FBXW7: variants seen among roughly 807,000 people sequenced by gnomAD.
FBXW7 encodes F-box/WD repeat-containing protein 7.
FBXW7 carries 11 observed loss-of-function variants against 86.3 expected under a neutral mutation model. The ratio of observed to expected loss-of-function variants is 0.13; its 90% CI spans 0.08 to 0.21. The LOEUF is 0.21. Ranked by LOEUF, FBXW7 falls within the 10% of genes least tolerant of loss-of-function variation. The pLI is 1.00. For missense variants in FBXW7, 488 were observed against 847.4 expected (o/e 0.58, Z 5.27); for synonymous variants, 313 against 297.9 (o/e 1.05, Z -0.52).
intron 4 of FBXW7, among the ~76,000 whole-genome samples, chr4:152,394,936 T>C (rs375325056): frequency 1.3e-3 from 192 of 152,234 alleles, no homozygotes; most frequent in African/African-American, 4.4e-3. Flanking sequence ...TTCATGAGAA[T>C]TAATGCATTT....
At chr4:152,445,469 C>T (rs1167054251) in intron 2 of FBXW7, among the ~76,000 whole-genome samples, 3 of 152,308 alleles carry the variant, frequency 2.0e-5, no homozygotes, top group Middle Eastern at 3.4e-3. Flanking sequence ...GAGCAGCAGG[C>T]TGATGCCTAA....
chr4:152,458,123 G>C (rs903103874), intron 2 of FBXW7, among the ~76,000 whole-genome samples: 2 of 152,066 alleles, frequency 1.3e-5, no homozygotes, highest in Non-Finnish European at 2.9e-5. Context: ...GGGTTCAAGA[G>C]ATTCTCCTGC....
intron 13 of FBXW7, chr4:152,323,949 C>A: frequency 2.2e-6 from 1 of 463,708 alleles, no homozygotes; most frequent in Non-Finnish European, 3.9e-6. Context: ...TAAGTAGAGT[C>A]AATTGAACAT....
intron 4 of FBXW7, among the ~76,000 whole-genome samples, chr4:152,378,174 G>A (rs1045449090): frequency 4.6e-5 from 7 of 152,052 alleles, no homozygotes; most frequent in African/African-American, 1.2e-4. Flanking sequence ...TTAAGATGAC[G>A]ATACATAAGA....
intron 2 of FBXW7, among the ~76,000 whole-genome samples, chr4:152,468,443 A>G (rs1457708616): frequency 2.0e-5 from 3 of 152,196 alleles, no homozygotes; most frequent in East Asian, 1.9e-4. Context: ...ACACTGATAC[A>G]TGCTACAACA....
chr4:152,340,098 A>C (rs1730573237), intron 6 of FBXW7, among the ~76,000 whole-genome samples: 1 of 152,122 alleles, frequency 6.6e-6, no homozygotes, highest in Admixed American at 6.6e-5. Context: ...TTTAAGAAAA[A>C]GTACATGGAA....
At chr4:152,522,186 G>T (rs1195808765) in intron 2 of FBXW7, among the ~76,000 whole-genome samples, 1 of 152,016 alleles carries the variant, frequency 6.6e-6, no homozygotes, top group Non-Finnish European at 1.5e-5. Flanking sequence ...TTGACTTTAT[G>T]AATACACACT....
intron 2 of FBXW7, among the ~76,000 whole-genome samples, chr4:152,477,032 G>A (rs563747605): frequency 6.6e-5 from 10 of 151,850 alleles, no homozygotes; most frequent in Non-Finnish European, 1.5e-4. Flanking sequence ...CTACTATATG[G>A]GAACCAGGGC....
At chr4:152,493,273 T>C (rs1296167702) in intron 2 of FBXW7, among the ~76,000 whole-genome samples, 1 of 152,016 alleles carries the variant, frequency 6.6e-6, no homozygotes, top group Admixed American at 6.6e-5. Context: ...CAAGCGATTC[T>C]CGTGCCTCAG....
intron 4 of FBXW7, among the ~76,000 whole-genome samples, chr4:152,397,767 G>A (rs1407808913): frequency 6.2e-5 from 9 of 145,120 alleles, no homozygotes; most frequent in South Asian, 2.2e-4. Context: ...TTTACTCCAC[G>A]ATGATTAGGT....
chr4:152,340,919 CA>C (rs1730676898), intron 6 of FBXW7, among the ~76,000 whole-genome samples: 1 of 152,168 alleles, frequency 6.6e-6, no homozygotes, highest in African/African-American at 2.4e-5. Flanking sequence ...TTACTCAGGC[CA>C]AGAAGTCTTT....
chr4:152,531,235 C>T (rs1749999168), intron 2 of FBXW7, among the ~76,000 whole-genome samples: 1 of 152,146 alleles, frequency 6.6e-6, no homozygotes, highest in African/African-American at 2.4e-5. Flanking sequence ...TTCGACTGCA[C>T]AAAAAATGTT....
intron 2 of FBXW7, among the ~76,000 whole-genome samples, chr4:152,429,284 C>CCTTTAGTA (rs1739671205): frequency 6.6e-6 from 1 of 151,696 alleles, no homozygotes; most frequent in Admixed American, 6.6e-5. Flanking sequence ...GTACAAATTA[C>CCTTTAGTA]CAAGACCCTT....
chr4:152,523,090 A>C (rs1300016374), intron 2 of FBXW7, among the ~76,000 whole-genome samples: 3 of 152,242 alleles, frequency 2.0e-5, no homozygotes, highest in Non-Finnish European at 4.4e-5. Context: ...TTAAGCACTG[A>C]TTATATGCAC....
chr4:152,462,310 C>A (rs1743022846), intron 2 of FBXW7, among the ~76,000 whole-genome samples: 1 of 152,236 alleles, frequency 6.6e-6, no homozygotes, highest in Admixed American at 6.5e-5. Context: ...AAATTGCATG[C>A]AAGTTGAGAA....
intron 4 of FBXW7, among the ~76,000 whole-genome samples, chr4:152,392,874 G>A (rs1736112666): frequency 6.6e-6 from 1 of 152,132 alleles, no homozygotes; most frequent in Non-Finnish European, 1.5e-5. Context: ...TGAGGCCTTA[G>A]CAAGTTTCTA....
intron 2 of FBXW7, among the ~76,000 whole-genome samples, chr4:152,452,235 A>T (rs1463145148): frequency 6.6e-6 from 1 of 152,240 alleles, no homozygotes; most frequent in Non-Finnish European, 1.5e-5. Flanking sequence ...AAATATCAAG[A>T]GAGATAACCC....
At chr4:152,443,038 G>A (rs929869423) in intron 2 of FBXW7, among the ~76,000 whole-genome samples, 44 of 152,308 alleles carry the variant, frequency 2.9e-4, no homozygotes, top group African/African-American at 9.9e-4. Context: ...CGAGGCAGGC[G>A]GATAACCTGA....
At chr4:152,352,553 T>A (rs1731918606) in intron 4 of FBXW7, 1 of 1,613,944 alleles carries the variant, frequency 6.2e-7, no homozygotes, top group Non-Finnish European at 8.5e-7. Flanking sequence ...CCCCCGTGTG[T>A]CCGGCTGCTT....
Sources: allele counts gnomAD v4.1 joint callset (sites outside exome capture counted in the v4.1 genomes callset), GRCh38; gene constraint gnomAD v4.1.1; transcripts MANE v1.5; gene names NCBI Gene and HGNC (gene_info 2026-07-23, HGNC 2026-07-21).